NEB: variants seen among roughly 807,000 people sequenced by gnomAD.
NEB encodes nemaline myopathy type 2.
NEB carries 512 observed loss-of-function variants against 952.2 expected under a neutral mutation model. That is an observed-to-expected ratio of 0.54 (90% CI 0.50 to 0.58). The LOEUF is 0.58. Among genes scored for constraint, NEB ranks in the 20% least tolerant of loss-of-function variants. The pLI, the probability that NEB is intolerant of heterozygous loss-of-function variation, is 0.00. For missense variants in NEB, 8,428 were observed against 9,231.1 expected (o/e 0.91, Z 3.56); for synonymous variants, 2,900 against 3,149.8 (o/e 0.92, Z 2.66).
chr2:151,578,906 G>A (rs1248182009), intron 105 of NEB, among the ~76,000 whole-genome samples: 5 of 151,290 alleles, frequency 3.3e-5, no homozygotes, highest in African/African-American at 1.2e-4. Flanking sequence ...AGATGGCAAA[G>A]ACCTGTCTCT....
At chr2:151,494,388 A>G in intron 173 of NEB, 135 bp from the exon 174 acceptor site, 1 of 637,336 alleles carries the variant, frequency 1.6e-6, no homozygotes, top group Non-Finnish European at 2.7e-6. Context: ...GATGGAAAGT[A>G]GTATGTTTCC....
Position 151,667,898 on chromosome 2 carries a change from G to T in NEB, c.4625C>A (p.Ala1542Glu). ...ALNMSDAHYKADWKKTIAKGY... is the reference protein window; with the variant it reads ...ALNMSDAHYKEDWKKTIAKGY... ...CTTGGCAATGGTTTTCTTCCAATCTGCTTTATAATGAGCCTTCAAAAAAGT... is the reference window on the plus strand; with the variant it reads ...CTTGGCAATGGTTTTCTTCCAATCTTCTTTATAATGAGCCTTCAAAAAAGT... The change falls in exon 40 of 182, where the codon GCA (alanine) becomes GAA (glutamate). Residue 1542 changes from alanine to glutamate, a missense_variant. Ala to Glu is a moderately radical substitution (Grantham distance 107). This residue lies in a region of NEB where 2,851 missense variants were observed against 2,791.5 expected (regional missense o/e 1.02). Coordinates refer to ENST00000397345, the MANE Select transcript of NEB (RefSeq NM_001164508.2). 1.9e-6 allele frequency: 3 copies of T among 1,609,778 alleles called. No individual in the cohort carries two copies. Among genetic ancestry groups the T allele is most frequent in the Non-Finnish European group, 2.5e-6 (3 of 1,176,954 alleles).
At chr2:151,574,359 G>T (rs2096756933) in intron 107 of NEB, among the ~76,000 whole-genome samples, 2 of 152,216 alleles carry the variant, frequency 1.3e-5, no homozygotes, top group South Asian at 4.1e-4. Flanking sequence ...AAATAATGAT[G>T]ATATTAGGGG....
chr2:151,550,559 G>A (rs2095256274), intron 129 of NEB, among the ~76,000 whole-genome samples: 2 of 152,188 alleles, frequency 1.3e-5, no homozygotes, highest in Non-Finnish European at 2.9e-5. Flanking sequence ...ACATGGAGGA[G>A]TGTCTGTCTG....
intron 36 of NEB, among the ~76,000 whole-genome samples, chr2:151,673,839 T>C (rs2099330173): frequency 6.6e-6 from 1 of 150,952 alleles, no homozygotes; most frequent in South Asian, 2.1e-4. Flanking sequence ...GTTCACGCCA[T>C]TCTCGGGCCT....
intron 124 of NEB, among the ~76,000 whole-genome samples, chr2:151,560,017 C>G (rs1215845734): frequency 6.6e-6 from 1 of 152,062 alleles, no homozygotes; most frequent in Non-Finnish European, 1.5e-5. Context: ...GATTTAAAGG[C>G]ATAAAGAGTT....
chr2:151,518,523 A>T (rs1324762618), intron 155 of NEB, 101 bp from the exon 156 acceptor site: 17 of 749,570 alleles, frequency 2.3e-5, no homozygotes, highest in Non-Finnish European at 3.6e-5. Flanking sequence ...CATTGTCAAG[A>T]TCAAACTAAA....
At chr2:151,727,618 CAA>C in intron 5 of NEB, 71 bp downstream of exon 5, 1 of 1,446,446 alleles carries the variant, frequency 6.9e-7, no homozygotes, top group Non-Finnish European at 9.5e-7. Flanking sequence ...AGCCAGCATC[CAA>C]AACAGAGTGA....
At position 151,725,521 on chromosome 2, in the gene NEB, G is replaced by T. The variant is rs369292364; in HGVS notation, c.334C>A (p.Pro112Thr). The change falls in exon 6 of 182, where the codon CCA becomes ACA. Residue 112 changes from proline to threonine, a missense_variant. Transcript: ENST00000397345. ...KEKFEKTKGQPYASTTDTPEL... is the reference protein window; with the variant it reads ...KEKFEKTKGQTYASTTDTPEL... The stretch of plus-strand genomic sequence containing the variant: ...GGAGTATCTGTTGTGCTGGCGTATG[G>T]CTGTCCTTTTGTTTTCTCAAACTTC... The T allele has an allele frequency of 6.2e-6, 10 of 1,613,266 alleles. No homozygotes were observed. The highest frequency in any genetic ancestry group is 8.5e-6 in the Non-Finnish European group (10 of 1,179,610).
At position 151,537,129 on chromosome 2, in the gene NEB, T is replaced by C. The variant is rs760313653; in HGVS notation, c.21207+3A>G. 3 of 1,590,590 alleles carry C rather than the reference T, an allele frequency of 1.9e-6. No homozygotes were observed. The African/African-American group carries it at 4.0e-5, about 21-fold the overall frequency. On this transcript the variant is annotated splice_donor_region_variant and intron_variant, in intron 141 of 181. Coordinates refer to ENST00000397345, the MANE Select transcript of NEB (RefSeq NM_001164508.2). ...GAGGCCAATTCTCCTTGAGTATATA[T>C]ACCTTGCTGTAGAGAGTCTTGTTCT...
Position 151,562,632 on chromosome 2 carries a change from G to A in NEB, c.18870C>T (p.Asn6290=), listed in dbSNP as rs200122580. 1.4e-4 allele frequency: 219 copies of A among 1,578,370 alleles called. No homozygotes were observed. The highest frequency in any genetic ancestry group is 1.7e-4 in the South Asian group (15 of 87,316). ...LEEPNVIRVR[N]AQEILSDNVY... is the part of the protein sequence containing the mutation. ...ATACATCACTCAAGATCTCCTGGGC[G>A]TTTCGGACGCGTATAACATTGGGTT... The change falls in exon 120 of 182, where the codon AAC becomes AAT. Residue 6290 remains asparagine (N), a synonymous_variant. Transcript: ENST00000397345.
At chr2:151,713,143 C>T (rs2099749787) in intron 10 of NEB, among the ~76,000 whole-genome samples, 2 of 152,104 alleles carry the variant, frequency 1.3e-5, no homozygotes, top group Admixed American at 1.3e-4. Flanking sequence ...TCCATGGGGC[C>T]ACAAACTGGG....
chr2:151,717,697 A>C (rs753909381), intron 9 of NEB, among the ~76,000 whole-genome samples, 177 bp from the exon 10 acceptor site: 2 of 152,144 alleles, frequency 1.3e-5, no homozygotes, highest in Non-Finnish European at 1.5e-5. Flanking sequence ...CTCAAGACTC[A>C]TGGCCCTAGA....
chr2:151,496,768 A>T (rs1464761804), intron 172 of NEB, among the ~76,000 whole-genome samples, 173 bp downstream of exon 172: 1 of 152,110 alleles, frequency 6.6e-6, no homozygotes, highest in Non-Finnish European at 1.5e-5. Context: ...AATTAACTGT[A>T]TTATGGAAAT....
intron 179 of NEB, 111 bp from the exon 180 acceptor site, chr2:151,490,629 A>G: frequency 7.4e-7 from 1 of 1,347,500 alleles, no homozygotes; most frequent in East Asian, 2.5e-5. Flanking sequence ...CATGGTTTTA[A>G]GTACTTTCCC....
chr2:151,728,895 C>T (rs1009768115), intron 4 of NEB, among the ~76,000 whole-genome samples: 1 of 152,128 alleles, frequency 6.6e-6, no homozygotes, highest in African/African-American at 2.4e-5. Context: ...ATTACCTAGG[C>T]ATGGTTGACT....
At chr2:151,502,762 ATTTT>A in intron 167 of NEB, 27 bp downstream of exon 167, 3 of 1,038,480 alleles carry the variant, frequency 2.9e-6, no homozygotes, top group South Asian at 1.4e-5. Context: ...AAATTAAGGG[ATTTT>A]TTTTTTTTTG....
chr2:151,666,168 C>T lies in NEB; in HGVS notation c.4953G>A (p.Gln1651=), dbSNP rs1320404555. The change falls in exon 41 of 182, where the codon CAG becomes CAA. Residue 1651 remains glutamine (Q), a synonymous_variant. Transcript: ENST00000397345. ...GCAGGAGAGTGTAGTGGTGGTATGA[C>T]TGTCTGTAGTTGGCGTTGGTGGCAA... The part of the protein sequence containing the change: ...QEVATNANYR[Q]SYHHYTLLPD... 18 of 1,613,842 alleles carry T rather than the reference C, an allele frequency of 1.1e-5. No homozygotes were observed. Among genetic ancestry groups the T allele is most frequent in the Non-Finnish European group, 1.4e-5 (16 of 1,179,864 alleles).
Position 151,655,356 on chromosome 2 carries a change from A to C in NEB, c.6721T>G (p.Trp2241Gly). The change falls in exon 51 of 182, where the codon TGG becomes GGG. Residue 2241 changes from tryptophan (W) to glycine (G), a missense_variant. Transcript: ENST00000397345. ...TMNKHLYTID[W>G]NKDKTKIHVM... is the part of the protein sequence containing the mutation. ...TGAATCTTGGTCTTATCTTTATTCCAATCAATGGTGTATAAATGCTAGGAA... is the reference window on the plus strand; with the variant it reads ...TGAATCTTGGTCTTATCTTTATTCCCATCAATGGTGTATAAATGCTAGGAA... 1.3e-6 allele frequency: 2 copies of C among 1,589,006 alleles called. No individual in the cohort carries two copies. Among genetic ancestry groups the C allele is most frequent in the South Asian group, 2.3e-5 (2 of 87,960 alleles).
Sources: allele counts gnomAD v4.1 joint callset (sites outside exome capture counted in the v4.1 genomes callset), GRCh38; gene constraint gnomAD v4.1.1; regional missense constraint gnomAD v4.1.1; transcripts MANE v1.5; gene names NCBI Gene and HGNC (gene_info 2026-07-23, HGNC 2026-07-21).